CENPI: variants seen among roughly 807,000 people sequenced by gnomAD.
CENPI encodes FSH primary response 1.
A neutral mutation model predicts 60.4 loss-of-function variants in CENPI; 4 were observed. The observed-to-expected ratio is 0.07, with a 90% confidence interval of 0.03 to 0.15. The LOEUF (loss-of-function observed/expected upper bound fraction) is 0.15, where lower values mean the gene tolerates loss of function less well. Ranked by LOEUF, CENPI falls within the 10% of genes least tolerant of loss-of-function variation. The pLI is 1.00. For synonymous variants in CENPI, 157 were observed against 189.4 expected, an observed-to-expected ratio of 0.83 and a Z score of 1.40; for missense variants, 444 against 534.5, an observed-to-expected ratio of 0.83 and a Z score of 1.67.
chrX:101,129,851 A>G (rs1390992622), intron 12 of CENPI, 131 bp from the exon 13 acceptor site: 2 of 457,599 alleles, frequency 4.4e-6, no homozygotes, highest in Admixed American at 6.5e-5. Flanking sequence ...AGTCTACATC[A>G]TGAGTTAGCT....
intron 20 of CENPI, among the ~76,000 whole-genome samples, chrX:101,150,461 T>C (rs1191545214): frequency 9.1e-6 from 1 of 109,889 alleles, no homozygotes; most frequent in South Asian, 3.9e-4. Context: ...GCCTTGACCT[T>C]GGGGGCTCAA....
intron 18 of CENPI, 68 bp downstream of exon 18, chrX:101,146,345 T>C (rs1390379768): frequency 2.0e-6 from 2 of 1,001,352 alleles, no homozygotes; most frequent in Admixed American, 2.8e-5. Flanking sequence ...TCAGCTATAA[T>C]ACAATAAATA....
intron 20 of CENPI, among the ~76,000 whole-genome samples, chrX:101,152,989 T>G (rs2148247563): frequency 9.2e-6 from 1 of 108,892 alleles, no homozygotes; most frequent in East Asian, 2.9e-4. Flanking sequence ...TAACTCTATG[T>G]TTAACCACTG....
intron 15 of CENPI, among the ~76,000 whole-genome samples, chrX:101,138,976 G>A (rs185334530): frequency 0.017 from 1,668 of 99,966 alleles, 50 homozygotes; most frequent in African/African-American, 0.058. Flanking sequence ...TTTAGTAGAG[G>A]CGGGGTTTCA....
intron 9 of CENPI, 109 bp from the exon 10 acceptor site, chrX:101,127,029 G>T: frequency 1.5e-6 from 1 of 665,084 alleles, no homozygotes; most frequent in Non-Finnish European, 2.2e-6. Context: ...GCATTTGTAT[G>T]GGTGTAAAGG....
At chrX:101,146,310 T>C in intron 18 of CENPI, 33 bp downstream of exon 18, 1 of 1,138,958 alleles carries the variant, frequency 8.8e-7, no homozygotes, top group Non-Finnish European at 1.2e-6. Context: ...TATGAAACAG[T>C]GTATTATAAT....
rs1216250748 is a variant in CENPI, at chrX:101,102,271, C to T, written c.227-3C>T. 4.3e-6 allele frequency: 5 copies of T among 1,153,129 alleles called. No individual in the cohort carries two copies. The highest frequency in any genetic ancestry group is 5.8e-6 in the Non-Finnish European group (5 of 860,770). The stretch of plus-strand genomic sequence containing the variant: ...CACTATTTAATATTGTTTCTTTTTT[C>T]AGGTCCCATTAAAGCTTCACAGAAT... On this transcript the variant is annotated splice_region_variant and splice_polypyrimidine_tract_variant and intron_variant, in intron 3 of 21. Transcript: ENST00000682095.
chrX:101,178,334 T>C, the CENPI span, among the ~76,000 whole-genome samples: 2 of 109,711 alleles, frequency 1.8e-5, no homozygotes, highest in African/African-American at 6.6e-5. Flanking sequence ...GAGTACCAGA[T>C]GCCTCTAGTC....
At chrX:101,139,116 A>T in intron 15 of CENPI, among the ~76,000 whole-genome samples, 1 of 65,752 alleles carries the variant, frequency 1.5e-5, no homozygotes. Context: ...TTTTTGAGAC[A>T]GTGTCTCACT....
chrX:101,114,280 C>A (rs2148157327), intron 6 of CENPI, among the ~76,000 whole-genome samples: 1 of 111,923 alleles, frequency 8.9e-6, no homozygotes, highest in South Asian at 3.7e-4. Flanking sequence ...AACCAACCAA[C>A]AAACAAACAC....
At chrX:101,102,494 T>TAC (rs199833748) in intron 4 of CENPI, 83 bp downstream of exon 4, 18 of 298,586 alleles carry the variant, frequency 6.0e-5, no homozygotes, top group South Asian at 2.2e-4. Flanking sequence ...CTTATATATA[T>TAC]ATACACACAC....
intron 20 of CENPI, among the ~76,000 whole-genome samples, chrX:101,152,760 G>A (rs2090019384): frequency 9.2e-6 from 1 of 108,214 alleles, no homozygotes; most frequent in Admixed American, 1.0e-4. Context: ...GCATGTATCA[G>A]TACTTTATTT....
intron 7 of CENPI, 120 bp downstream of exon 7, chrX:101,120,570 C>A: frequency 1.7e-6 from 1 of 592,678 alleles, no homozygotes. Flanking sequence ...GTGGAAATTG[C>A]TTTTTAGTAC....
At chrX:101,152,328 G>A (rs1256298467) in intron 20 of CENPI, among the ~76,000 whole-genome samples, 1 of 111,011 alleles carries the variant, frequency 9.0e-6, no homozygotes, top group African/African-American at 3.3e-5. Flanking sequence ...CTCCCAAAGT[G>A]CTGGGATTAC....
At chrX:101,156,188 T>G (rs990979351) in intron 20 of CENPI, among the ~76,000 whole-genome samples, 4 of 110,836 alleles carry the variant, frequency 3.6e-5, no homozygotes, top group Non-Finnish European at 5.7e-5. Flanking sequence ...AATTTTTGTG[T>G]TTTTAGTAGA....
rs2089978169 is a variant in CENPI at position 101,148,164 on chromosome X, A to G, written c.2094+3A>G. On this transcript the variant is annotated splice_donor_region_variant and intron_variant, in intron 20 of 21. Transcript: ENST00000682095. Reference sequence around the variant, plus strand: ...ACGCTGTTTCCTTTTTGCTACAGGTAAGGGTATTTAAAGAATTTTTAGATT... The same window carrying G: ...ACGCTGTTTCCTTTTTGCTACAGGTGAGGGTATTTAAAGAATTTTTAGATT... 2 of 1,180,819 alleles carry G rather than the reference A, an allele frequency of 1.7e-6. No individual in the cohort carries two copies. Among genetic ancestry groups the G allele is most frequent in the African/African-American group, 3.5e-5 (2 of 56,378 alleles).
At chrX:101,128,864 A>G (rs766980029) in intron 12 of CENPI, 28 bp downstream of exon 12, 1 of 1,189,246 alleles carries the variant, frequency 8.4e-7, no homozygotes, top group Non-Finnish European at 1.1e-6. Context: ...ATGGACCAAG[A>G]TAGTTAACAA....
In CENPI at chrX:101,164,807, T is replaced by C. The variant is rs2090137283; in HGVS notation, c.*1840T>C. Reference sequence around the variant, plus strand: ...GCTTTTGTCCTTCATTCTGTTAACATGATATATCACATTTACTGATTTGTG... The same window carrying C: ...GCTTTTGTCCTTCATTCTGTTAACACGATATATCACATTTACTGATTTGTG... On this transcript the variant is annotated 3_prime_UTR_variant, in exon 22 of 22. Coordinates refer to ENST00000682095, the MANE Select transcript of CENPI (RefSeq NM_001386188.2). Among the ~76,000 whole-genome samples, 1 of 112,715 alleles carries C rather than the reference T, an allele frequency of 8.9e-6. No individual in the cohort carries two copies. Among genetic ancestry groups the C allele is most frequent in the South Asian group, 3.7e-4 (1 of 2,739 alleles).
the CENPI span, among the ~76,000 whole-genome samples, chrX:101,172,194 G>A: frequency 8.9e-6 from 1 of 111,851 alleles, no homozygotes; most frequent in Non-Finnish European, 1.9e-5. Flanking sequence ...AAATAGTCAT[G>A]TATTGCTGGT....
Sources: allele counts gnomAD v4.1 joint callset (sites outside exome capture counted in the v4.1 genomes callset), GRCh38; gene constraint gnomAD v4.1.1; transcripts MANE v1.5; gene names NCBI Gene and HGNC (gene_info 2026-07-23, HGNC 2026-07-21).